The following AUTS2 variants were observed in gnomAD, a reference collection of about 807,000 sequenced individuals.
The protein encoded by AUTS2 is activator of transcription and developmental regulator AUTS2.
A neutral mutation model predicts 112.4 loss-of-function variants in AUTS2; 17 were observed. The ratio of observed to expected loss-of-function variants is 0.15; its 90% confidence interval spans 0.10 to 0.23. The LOEUF (loss-of-function observed/expected upper bound fraction) is 0.23, where lower values mean the gene tolerates loss of function less well. Ranked by LOEUF, AUTS2 falls within the 10% of genes least tolerant of loss-of-function variation. The pLI, the probability that AUTS2 is intolerant of heterozygous loss-of-function variation, is 1.00. For missense variants in AUTS2, 1,510 were observed against 1,701.6 expected (o/e 0.89, Z 1.98); for synonymous variants, 751 against 702.7 (o/e 1.07, Z -1.09).
intron 1 of AUTS2, among the ~76,000 whole-genome samples, chr7:69,704,812 G>C (rs188210503): frequency 6.6e-6 from 1 of 152,252 alleles, no homozygotes; most frequent in Admixed American, 6.5e-5. Flanking sequence ...TCAGTATTTT[G>C]ATATTCTGAC....
intron 2 of AUTS2, among the ~76,000 whole-genome samples, chr7:69,953,128 A>G (rs952361557): frequency 6.6e-6 from 1 of 152,184 alleles, no homozygotes; most frequent in Non-Finnish European, 1.5e-5. Flanking sequence ...GTTGTTTGAT[A>G]AGAATCTGTT....
At chr7:69,985,650 C>G (rs1398640475) in intron 2 of AUTS2, among the ~76,000 whole-genome samples, 2 of 152,196 alleles carry the variant, frequency 1.3e-5, no homozygotes, top group African/African-American at 4.8e-5. Context: ...TTCAGTTGCT[C>G]TACCACACAT....
chr7:69,916,296 C>T (rs1231256658), intron 2 of AUTS2, among the ~76,000 whole-genome samples: 2 of 152,216 alleles, frequency 1.3e-5, no homozygotes, highest in African/African-American at 4.8e-5. Context: ...CCTTGACATT[C>T]ATTCATTAAA....
Position 70,235,848 on chromosome 7 carries a change from C to A in AUTS2, c.660+101277C>A, listed in dbSNP as rs767689929. On this transcript the variant is annotated intron_variant, in intron 4 of 18. Coordinates refer to ENST00000342771, the MANE Select transcript of AUTS2 (RefSeq NM_015570.4). ...TTGTGTTTTTAGTAGAGACGGGGGA[C>A]GTGATTTCACTGTGTTGGCCAGGCT... Among the ~76,000 whole-genome samples, 9 of 151,850 alleles carry A rather than the reference C, an allele frequency of 5.9e-5. No homozygotes were observed. In the South Asian group the frequency reaches 1.3e-3, roughly 21 times the overall value.
chr7:69,799,221 C>T (rs1230270984), intron 1 of AUTS2, among the ~76,000 whole-genome samples: 2 of 152,058 alleles, frequency 1.3e-5, no homozygotes, highest in Non-Finnish European at 2.9e-5. Context: ...ATTAAAAATA[C>T]GAATTTTGGT....
At chr7:70,716,799 G>A (rs1234941209) in intron 6 of AUTS2, among the ~76,000 whole-genome samples, 7 of 152,018 alleles carry the variant, frequency 4.6e-5, no homozygotes, top group South Asian at 2.1e-4. Context: ...CACCATGGGC[G>A]GCAGGCTGTC....
At chr7:70,545,066 C>T (rs1401924397) in intron 5 of AUTS2, among the ~76,000 whole-genome samples, 1 of 152,176 alleles carries the variant, frequency 6.6e-6, no homozygotes, top group Non-Finnish European at 1.5e-5. Flanking sequence ...GCTCTTTCAT[C>T]CAAGACAGTG....
intron 1 of AUTS2, among the ~76,000 whole-genome samples, chr7:69,767,182 G>A (rs945395782): frequency 1.3e-5 from 2 of 151,516 alleles, no homozygotes; most frequent in African/African-American, 4.8e-5. Flanking sequence ...CTTTGTCATC[G>A]TCTTTTTTTT....
At chr7:70,277,997 A>C (rs976036465) in intron 4 of AUTS2, among the ~76,000 whole-genome samples, 1 of 149,640 alleles carries the variant, frequency 6.7e-6, no homozygotes, top group Non-Finnish European at 1.5e-5. Flanking sequence ...ACAGTACTGT[A>C]TTAGGAATGC....
intron 1 of AUTS2, among the ~76,000 whole-genome samples, chr7:69,894,716 CT>C (rs1794674426): frequency 6.6e-6 from 1 of 151,974 alleles, no homozygotes; most frequent in African/African-American, 2.4e-5. Context: ...GATAATGTTT[CT>C]TTTCTCCTAT....
At chr7:70,016,589 A>G (rs933599725) in intron 2 of AUTS2, among the ~76,000 whole-genome samples, 3 of 151,882 alleles carry the variant, frequency 2.0e-5, no homozygotes, top group Non-Finnish European at 2.9e-5. Flanking sequence ...CTCTTATCAC[A>G]CAGTTCACTC....
At chr7:70,332,737 G>A (rs1048828388) in intron 4 of AUTS2, among the ~76,000 whole-genome samples, 4 of 152,152 alleles carry the variant, frequency 2.6e-5, no homozygotes, top group Non-Finnish European at 5.9e-5. Flanking sequence ...TTAATAAATG[G>A]TGTTGGGAAG....
chr7:69,967,857 C>G (rs1455214721), intron 2 of AUTS2, among the ~76,000 whole-genome samples: 1 of 152,186 alleles, frequency 6.6e-6, no homozygotes, highest in African/African-American at 2.4e-5. Context: ...TCCCTCCAGT[C>G]TTGTCATGTT....
Position 70,485,918 on chromosome 7 carries a change from G to A in AUTS2, c.690+50137G>A, listed in dbSNP as rs576910948. ...GACGTATTCTGAGAAGCCTGAATTC[G>A]ACTCTACATTGAAAAATTAAGGACT... On this transcript the variant is annotated intron_variant, in intron 5 of 18. Coordinates refer to ENST00000342771, the MANE Select transcript of AUTS2 (RefSeq NM_015570.4). 3.9e-5 allele frequency among the ~76,000 whole-genome samples: 6 copies of A among 151,970 alleles called. No homozygotes were observed. In the South Asian group the frequency reaches 6.2e-4, roughly 16 times the overall value.
At chr7:70,556,191 G>A (rs1024541261) in intron 5 of AUTS2, among the ~76,000 whole-genome samples, 10 of 151,718 alleles carry the variant, frequency 6.6e-5, no homozygotes, top group South Asian at 6.3e-4. Context: ...AGAGAGGGGC[G>A]ATGCCACACA....
intron 1 of AUTS2, among the ~76,000 whole-genome samples, chr7:69,726,001 T>C (rs558697901): frequency 6.6e-6 from 1 of 152,326 alleles, no homozygotes. Context: ...GCAGTGCCTC[T>C]CAACTTTGTT....
intron 2 of AUTS2, among the ~76,000 whole-genome samples, chr7:69,943,572 GTCA>G (rs1796703815): frequency 6.6e-6 from 1 of 152,008 alleles, no homozygotes; most frequent in Non-Finnish European, 1.5e-5. Flanking sequence ...CTCTTTCTAT[GTCA>G]TCATTATCTC....
At chr7:69,828,160 AG>A (rs937406777) in intron 1 of AUTS2, among the ~76,000 whole-genome samples, 1 of 152,178 alleles carries the variant, frequency 6.6e-6, no homozygotes, top group East Asian at 1.9e-4. Context: ...ACTTGAGTTC[AG>A]GGGGGTACAT....
In AUTS2 at chr7:69,818,534, G is replaced by A. The variant is rs117436963; in HGVS notation, c.310-80752G>A. On this transcript the variant is annotated intron_variant, in intron 1 of 18. Transcript: ENST00000342771. The stretch of plus-strand genomic sequence containing the variant: ...TTTATATCACTATTAATATTGAGGA[G>A]CAAAGAGGAATATCTGTAATCTTTT... Among the ~76,000 whole-genome samples the A allele has an allele frequency of 1.4e-3, 218 of 152,322 alleles. 4 individuals are homozygous for A. The highest frequency in any genetic ancestry group is 7.3e-3 in the South Asian group (35 of 4,816).
Sources: gnomAD v4.1 joint callset for allele counts (sites outside exome capture counted in the v4.1 genomes callset) on GRCh38, gnomAD v4.1.1 for gene constraint, MANE v1.5 for transcripts, NCBI Gene and HGNC (gene_info 2026-07-23, HGNC 2026-07-21) for gene names.